THSD4: variants seen among roughly 807,000 people sequenced by gnomAD.
The protein encoded by THSD4 is thrombospondin type-1 domain-containing protein 4.
In THSD4, 69 loss-of-function variants were observed where a neutral mutation model predicts 119.0. The observed-to-expected ratio is 0.58, with a 90% CI of 0.48 to 0.71. The LOEUF (loss-of-function observed/expected upper bound fraction) is 0.71. THSD4 is among the 30% of genes least tolerant of loss of function. THSD4 has a pLI of 0.00. For synonymous variants in THSD4, 524 were observed against 540.4 expected, an observed-to-expected ratio of 0.97 and a Z score of 0.42; for missense variants, 1,393 against 1,391.1, an observed-to-expected ratio of 1.00 and a Z score of -0.02.
intron 6 of THSD4, among the ~76,000 whole-genome samples, chr15:71,264,210 T>C (rs898809440): frequency 1.3e-5 from 2 of 152,330 alleles, no homozygotes; most frequent in East Asian, 1.9e-4. Context: ...ATTAGAGTGT[T>C]CGTGTTTTAC....
chr15:71,390,948 C>G (rs2046369128), intron 6 of THSD4, among the ~76,000 whole-genome samples: 1 of 138,328 alleles, frequency 7.2e-6, no homozygotes, highest in East Asian at 2.3e-4. Context: ...CACCCTTGAA[C>G]TCCTGATGCT....
chr15:71,174,394 G>A (rs1372309204), intron 3 of THSD4, among the ~76,000 whole-genome samples: 1 of 149,966 alleles, frequency 6.7e-6, no homozygotes, highest in African/African-American at 2.5e-5. Flanking sequence ...CTGGAAAATC[G>A]GGTCACTCCC....
intron 8 of THSD4, among the ~76,000 whole-genome samples, chr15:71,695,994 A>T (rs906707960): frequency 1.1e-4 from 16 of 152,256 alleles, no homozygotes; most frequent in African/African-American, 3.6e-4. Flanking sequence ...GTTAATACAG[A>T]TAAAGCATGC....
rs79683308 is a variant in THSD4, at chr15:71,387,000, G to C, written c.1016-24687G>C. Among the ~76,000 whole-genome samples the C allele has an allele frequency of 5.2e-3, 797 of 152,266 alleles. 2 individuals are homozygous for C. The highest frequency in any genetic ancestry group is 0.018 in the African/African-American group (759 of 41,542). ...TGCTACTTTAGGAGGCAAGGTTTCCGGGTTTTCTGTTTTTGTTTGTGCTGT... is the reference window on the plus strand; with the variant it reads ...TGCTACTTTAGGAGGCAAGGTTTCCCGGTTTTCTGTTTTTGTTTGTGCTGT... On this transcript the variant is annotated intron_variant, in intron 6 of 17. Transcript: ENST00000261862.
At chr15:71,437,492 G>T (rs1020599190) in intron 7 of THSD4, among the ~76,000 whole-genome samples, 2 of 152,328 alleles carry the variant, frequency 1.3e-5, no homozygotes, top group African/African-American at 4.8e-5. Flanking sequence ...TCTTTGGCAG[G>T]TGTGGACTTT....
At chr15:71,343,354 G>A (rs1471970266) in intron 6 of THSD4, among the ~76,000 whole-genome samples, 4 of 152,216 alleles carry the variant, frequency 2.6e-5, no homozygotes, top group Non-Finnish European at 4.4e-5. Context: ...TGCCTTGCCC[G>A]CTGTATTAGT....
At chr15:71,701,643 A>G (rs2141071982) in intron 8 of THSD4, among the ~76,000 whole-genome samples, 1 of 152,310 alleles carries the variant, frequency 6.6e-6, no homozygotes, top group East Asian at 1.9e-4. Context: ...TAATAACACA[A>G]AATGAAGGTC....
intron 8 of THSD4, among the ~76,000 whole-genome samples, chr15:71,711,096 C>CACAT (rs34863457): frequency 4.6e-4 from 60 of 129,426 alleles, no homozygotes; most frequent in African/African-American, 1.6e-3. Context: ...TATATATATA[C>CACAT]ATATATATAT....
chr15:71,254,630 G>A (rs766509405), intron 5 of THSD4, among the ~76,000 whole-genome samples: 7 of 152,164 alleles, frequency 4.6e-5, no homozygotes, highest in Non-Finnish European at 1.0e-4. Flanking sequence ...AGGGATGGTG[G>A]CCTCTCCAAG....
At chr15:71,110,500 G>A (rs1166690422), upstream of THSD4, 1 of 152,912 alleles carries the variant, frequency 6.5e-6, no homozygotes, top group African/African-American at 2.4e-5. Context: ...GAATTGCACA[G>A]CACTCCTTTC....
intron 7 of THSD4, among the ~76,000 whole-genome samples, chr15:71,612,489 G>T (rs1031984982): frequency 6.6e-6 from 1 of 152,356 alleles, no homozygotes; most frequent in Admixed American, 6.5e-5. Flanking sequence ...GCTCAGTGAG[G>T]TTGCTCAGGT....
chr15:71,250,088 T>C (rs1418619347), intron 5 of THSD4, among the ~76,000 whole-genome samples: 1 of 152,192 alleles, frequency 6.6e-6, no homozygotes, highest in East Asian at 1.9e-4. Flanking sequence ...TATACATTTT[T>C]GTTTATGCAT....
At chr15:71,558,607 C>T (rs1044421286) in intron 7 of THSD4, among the ~76,000 whole-genome samples, 1 of 151,978 alleles carries the variant, frequency 6.6e-6, no homozygotes, top group African/African-American at 2.4e-5. Flanking sequence ...TAGCTGGGAC[C>T]ACAGATGCAT....
At chr15:71,631,713 A>G (rs1020519757) in intron 7 of THSD4, among the ~76,000 whole-genome samples, 3 of 152,230 alleles carry the variant, frequency 2.0e-5, no homozygotes, top group Non-Finnish European at 4.4e-5. Flanking sequence ...GGTTCCAGTC[A>G]ACTGAGGGTA....
chr15:71,384,962 A>C (rs2046277436), intron 6 of THSD4, among the ~76,000 whole-genome samples: 1 of 152,216 alleles, frequency 6.6e-6, no homozygotes. Context: ...CATGCAAGAA[A>C]AAGAAATGAT....
intron 9 of THSD4, chr15:71,730,680 AGCATCCCGGGGTG>A (rs2052959360): frequency 6.4e-6 from 1 of 155,734 alleles, no homozygotes; most frequent in African/African-American, 2.4e-5. Context: ...GGGAACCTAA[AGCATCCCGGGGTG>A]GCTCTGTCCA....
rs1363069074 is a variant in THSD4, at chr15:71,590,489, A to G, written c.1153-70041A>G. 2.4e-5 allele frequency among the ~76,000 whole-genome samples: 3 copies of G among 124,662 alleles called. 1 individual carries two copies. Among genetic ancestry groups the G allele is most frequent in the Non-Finnish European group, 5.3e-5 (3 of 56,118 alleles). The allele number at this position is 124,662 out of a possible 152,430, so 81.8% of individuals were successfully genotyped here. A position where few individuals can be genotyped will look rare whatever the true frequency, so the allele number is the denominator to read the frequency against. On this transcript the variant is annotated intron_variant, in intron 7 of 17. Transcript: ENST00000261862. ...AACCAAATACTGCATGTTCTCACTTATAAGTGGGACCTGAATGATGAGAAC... is the reference window on the plus strand; with the variant it reads ...AACCAAATACTGCATGTTCTCACTTGTAAGTGGGACCTGAATGATGAGAAC...
intron 15 of THSD4, among the ~76,000 whole-genome samples, chr15:71,760,337 T>G (rs2053609252): frequency 1.3e-5 from 2 of 152,218 alleles, no homozygotes; most frequent in African/African-American, 4.8e-5. Flanking sequence ...GAATGAGACC[T>G]AAGTCCATGG....
chr15:71,331,880 TA>T (rs2045425765), intron 6 of THSD4, among the ~76,000 whole-genome samples: 1 of 147,130 alleles, frequency 6.8e-6, no homozygotes, highest in African/African-American at 2.5e-5. Context: ...TTTTCATCTG[TA>T]ATACAGACAT....
Sources: gnomAD v4.1 joint callset for allele counts (sites outside exome capture counted in the v4.1 genomes callset) on GRCh38, gnomAD v4.1.1 for gene constraint, MANE v1.5 for transcripts, NCBI Gene and HGNC (gene_info 2026-07-23, HGNC 2026-07-21) for gene names.